Variants in DPYD observed in about 807,000 individuals in gnomAD.
DPYD encodes the protein dihydropyrimidine dehydrogenase, also known as dihydropyrimidine dehydrogenase [NADP(+)].
In DPYD, 109 loss-of-function variants were observed where a neutral mutation model predicts 116.2. The observed-to-expected ratio is 0.94, with a 90% CI of 0.80 to 1.10. DPYD has a LOEUF of 1.10. Among genes scored for constraint, DPYD ranks in the 50% least tolerant of loss-of-function variants. DPYD has a pLI of 0.00. For missense variants in DPYD, 1,302 were observed against 1,254.5 expected (o/e 1.04, Z -0.57); for synonymous variants, 440 against 432.0 (o/e 1.02, Z -0.23).
chr1:97,124,002 A>G (rs930422589), intron 20 of DPYD, among the ~76,000 whole-genome samples: 5 of 152,090 alleles, frequency 3.3e-5, no homozygotes, highest in African/African-American at 1.2e-4. Flanking sequence ...TGCATTTTAA[A>G]TCATGATGGT....
intron 12 of DPYD, among the ~76,000 whole-genome samples, chr1:97,517,317 A>T (rs1206728903): frequency 6.6e-6 from 1 of 152,062 alleles, no homozygotes; most frequent in Non-Finnish European, 1.5e-5. Flanking sequence ...TATTAAAAGG[A>T]TTATTAGCAA....
At chr1:97,238,161 G>A (rs1018018567) in intron 18 of DPYD, among the ~76,000 whole-genome samples, 7 of 151,950 alleles carry the variant, frequency 4.6e-5, no homozygotes, top group African/African-American at 1.5e-4. Context: ...CCTTTCTAAC[G>A]CTTTTATAAT....
At position 97,398,125 on chromosome 1, in the gene DPYD, T is replaced by G. The variant is rs535569455; in HGVS notation, c.1906-15664A>C. Among the ~76,000 whole-genome samples, 155 of 152,154 alleles carry G rather than the reference T, an allele frequency of 1.0e-3. 2 individuals are homozygous for G. Among genetic ancestry groups the G allele is most frequent in the South Asian group, 8.5e-3 (41 of 4,814 alleles). ...CCCAACCCCACAACAGGCCCCGGTGTGTGATGTTCCACACCCTGTGTCCAA... is the reference window on the plus strand; with the variant it reads ...CCCAACCCCACAACAGGCCCCGGTGGGTGATGTTCCACACCCTGTGTCCAA... On this transcript the variant is annotated intron_variant, in intron 14 of 22. Transcript: ENST00000370192.
intron 20 of DPYD, among the ~76,000 whole-genome samples, chr1:97,150,306 C>G (rs1383074618): frequency 6.6e-6 from 1 of 152,000 alleles, no homozygotes; most frequent in African/African-American, 2.4e-5. Flanking sequence ...CCATGATTAG[C>G]TTGTAATCTC....
intron 19 of DPYD, among the ~76,000 whole-genome samples, chr1:97,218,505 C>G (rs1053384660): frequency 4.0e-5 from 6 of 151,208 alleles, no homozygotes; most frequent in African/African-American, 1.2e-4. Context: ...GAGTCATTCC[C>G]GTCTAGCTAC....
At chr1:97,892,013 C>T (rs1403416681) in intron 1 of DPYD, among the ~76,000 whole-genome samples, 1 of 151,650 alleles carries the variant, frequency 6.6e-6, no homozygotes, top group African/African-American at 2.4e-5. Flanking sequence ...TTAAATTATG[C>T]TTACATTTTT....
chr1:97,811,678 C>T (rs939779387), intron 3 of DPYD, among the ~76,000 whole-genome samples: 3 of 151,996 alleles, frequency 2.0e-5, no homozygotes, highest in African/African-American at 7.2e-5. Context: ...AATACACATA[C>T]TAAAATTTAA....
At chr1:97,581,590 T>A (rs185381455) in intron 10 of DPYD, among the ~76,000 whole-genome samples, 2,376 of 150,816 alleles carry the variant, frequency 0.016, 40 homozygotes, top group Non-Finnish European at 0.018. Flanking sequence ...AAATTTTTTT[T>A]AAAAAATTTG....
At chr1:97,209,259 A>G (rs1359785816) in intron 19 of DPYD, among the ~76,000 whole-genome samples, 1 of 152,180 alleles carries the variant, frequency 6.6e-6, no homozygotes, top group East Asian at 1.9e-4. Flanking sequence ...AAATACAGGT[A>G]AGTTGGATTT....
At chr1:97,409,727 C>G (rs1423241239) in intron 14 of DPYD, among the ~76,000 whole-genome samples, 1 of 152,084 alleles carries the variant, frequency 6.6e-6, no homozygotes, top group Non-Finnish European at 1.5e-5. Context: ...ATATTCTTCC[C>G]CAGACATACA....
At chr1:97,234,290 G>C (rs1661765360) in intron 19 of DPYD, among the ~76,000 whole-genome samples, 1 of 152,062 alleles carries the variant, frequency 6.6e-6, no homozygotes, top group Non-Finnish European at 1.5e-5. Context: ...TATTTTAGGG[G>C]TATTATTAAG....
At chr1:97,311,585 A>G (rs368977928) in intron 16 of DPYD, among the ~76,000 whole-genome samples, 3 of 151,754 alleles carry the variant, frequency 2.0e-5, no homozygotes, top group Non-Finnish European at 4.4e-5. Context: ...GTTTCACATG[A>G]TCTAGGTTCC....
intron 18 of DPYD, among the ~76,000 whole-genome samples, chr1:97,258,593 G>C (rs1426005168): frequency 6.6e-6 from 1 of 152,084 alleles, no homozygotes; most frequent in Non-Finnish European, 1.5e-5. Context: ...TTTCATCCAA[G>C]TCCTTGTCTT....
chr1:97,594,982 G>A lies in DPYD; in HGVS notation c.958+77C>T, dbSNP rs541195341. On this transcript the variant is annotated intron_variant, in intron 9 of 22. Coordinates refer to ENST00000370192, the MANE Select transcript of DPYD (RefSeq NM_000110.4). ...TGTGAGAGCTGAACAATGTGCTGCTGAGCTTGATTTTGATATTAATTTATC... is the reference window on the plus strand; with the variant it reads ...TGTGAGAGCTGAACAATGTGCTGCTAAGCTTGATTTTGATATTAATTTATC... 8.4e-6 allele frequency: 10 copies of A among 1,183,580 alleles called. No homozygotes were observed. The East Asian group carries it at 2.6e-4, about 30-fold the overall frequency. The allele number at this position is 1,183,580 out of a possible 1,614,324, so 73.3% of individuals were successfully genotyped here.
intron 21 of DPYD, among the ~76,000 whole-genome samples, chr1:97,083,833 G>A (rs778125321): frequency 2.0e-5 from 3 of 151,952 alleles, no homozygotes; most frequent in Admixed American, 6.6e-5. Flanking sequence ...TTCCAATCAC[G>A]GAGTCTTGGA....
At chr1:97,598,292 A>T (rs1571031824) in intron 8 of DPYD, among the ~76,000 whole-genome samples, 1 of 152,230 alleles carries the variant, frequency 6.6e-6, no homozygotes, top group African/African-American at 2.4e-5. Flanking sequence ...CTCTGAGAGT[A>T]GGTGGCATAT....
chr1:97,356,811 T>G (rs1670450570), intron 16 of DPYD, among the ~76,000 whole-genome samples: 1 of 152,238 alleles, frequency 6.6e-6, no homozygotes, highest in South Asian at 2.1e-4. Flanking sequence ...GCACCCTTGC[T>G]TAACATCAAT....
At chr1:97,695,081 C>T (rs964804724) in intron 6 of DPYD, among the ~76,000 whole-genome samples, 34 of 152,204 alleles carry the variant, frequency 2.2e-4, no homozygotes, top group Admixed American at 7.9e-4. Context: ...CGACATATGC[C>T]TCCACTCTTG....
intron 13 of DPYD, among the ~76,000 whole-genome samples, chr1:97,471,138 G>A (rs1677625048): frequency 6.6e-6 from 1 of 152,178 alleles, no homozygotes; most frequent in East Asian, 1.9e-4. Context: ...CGTAATGTAA[G>A]AACAGAGCCT....
Sources: gnomAD v4.1 joint callset for allele counts (sites outside exome capture counted in the v4.1 genomes callset) on GRCh38, gnomAD v4.1.1 for gene constraint, MANE v1.5 for transcripts, NCBI Gene and HGNC (gene_info 2026-07-23, HGNC 2026-07-21) for gene names.